PIP4K2A: variants seen among roughly 807,000 people sequenced by gnomAD.
PIP4K2A encodes phosphatidylinositol-5-phosphate 4-kinase type 2 alpha, also known as phosphatidylinositol 5-phosphate 4-kinase type-2 alpha.
In PIP4K2A, 14 loss-of-function variants were observed where a neutral mutation model predicts 42.9. The ratio of observed to expected loss-of-function variants is 0.33; its 90% CI spans 0.22 to 0.51. The LOEUF (loss-of-function observed/expected upper bound fraction) is 0.51, where lower values mean the gene tolerates loss of function less well. Ranked by LOEUF, PIP4K2A falls within the 20% of genes least tolerant of loss-of-function variation. PIP4K2A has a pLI of 0.97. For synonymous variants in PIP4K2A, 192 were observed against 192.2 expected, an observed-to-expected ratio of 1.00 and a Z score of 0.01; for missense variants, 434 against 519.8, an observed-to-expected ratio of 0.83 and a Z score of 1.61.
chr10:22,618,687 C>T (rs555432602), intron 1 of PIP4K2A, among the ~76,000 whole-genome samples: 1 of 152,278 alleles, frequency 6.6e-6, no homozygotes, highest in Admixed American at 6.5e-5. Context: ...TGGAGAGGTG[C>T]AGAGGGCTTG....
At chr10:22,674,101 A>G (rs981004213) in intron 1 of PIP4K2A, among the ~76,000 whole-genome samples, 5 of 152,130 alleles carry the variant, frequency 3.3e-5, no homozygotes, top group South Asian at 2.1e-4. Flanking sequence ...GCTTTCTCCT[A>G]TTTCTAATTT....
chr10:22,668,543 A>C (rs1394461638), intron 1 of PIP4K2A, among the ~76,000 whole-genome samples: 2 of 152,190 alleles, frequency 1.3e-5, no homozygotes, highest in Admixed American at 6.5e-5. Context: ...CTCAACATAC[A>C]ATTGGGCTGT....
intron 4 of PIP4K2A, among the ~76,000 whole-genome samples, chr10:22,583,677 C>A (rs928307316): frequency 2.0e-5 from 3 of 152,156 alleles, no homozygotes; most frequent in Admixed American, 6.5e-5. Flanking sequence ...AAAGAGCTTC[C>A]GTAAATTAGG....
At chr10:22,597,015 T>A (rs1478440015) in intron 3 of PIP4K2A, among the ~76,000 whole-genome samples, 2 of 152,248 alleles carry the variant, frequency 1.3e-5, no homozygotes, top group Non-Finnish European at 2.9e-5. Flanking sequence ...CAAACCTGTC[T>A]TCAGGTTTTC....
At chr10:22,559,961 CCTT>C (rs1363864794) in intron 6 of PIP4K2A, among the ~76,000 whole-genome samples, 3 of 152,158 alleles carry the variant, frequency 2.0e-5, no homozygotes, top group Admixed American at 6.5e-5. Context: ...TGTTTGGAGT[CCTT>C]CACCCAAATC....
rs1011763421 is a variant in PIP4K2A at position 22,714,565 on chromosome 10, C to T, written c.-239G>A. 1 of 147,352 alleles carries T rather than the reference C, an allele frequency of 6.8e-6. No individual in the cohort carries two copies. The highest frequency in any genetic ancestry group is 2.4e-5 in the African/African-American group (1 of 40,908). The allele number at this position is 147,352 out of a possible 1,614,324, so 9.1% of individuals were successfully genotyped here. A position where few individuals can be genotyped will look rare whatever the true frequency, so the allele number is the denominator to read the frequency against. ...ATCCTGCGCCCGCCGCGGATCCGCG[C>T]TCAGCCCGCGGCTGGACCCGGCGCG... On this transcript the variant is annotated 5_prime_UTR_variant, in exon 1 of 10. Coordinates refer to ENST00000376573, the MANE Select transcript of PIP4K2A (RefSeq NM_005028.5).
intron 7 of PIP4K2A, among the ~76,000 whole-genome samples, chr10:22,542,312 T>TGGCTGGATTTTACCGGATAGCAA (rs6143823): frequency 3.3e-5 from 5 of 151,634 alleles, no homozygotes; most frequent in African/African-American, 1.2e-4. Flanking sequence ...TATCACAGGG[T>TGGCTGGATTTTACCGGATAGCAA]GGCTGGATTT....
intron 1 of PIP4K2A, among the ~76,000 whole-genome samples, chr10:22,672,564 G>T (rs1039281170): frequency 1.3e-5 from 2 of 152,152 alleles, no homozygotes; most frequent in Non-Finnish European, 2.9e-5. Flanking sequence ...CAGATCTGTG[G>T]GGCATCTGCA....
rs144151347 is a variant in PIP4K2A, at chr10:22,684,983, T to C, written c.144+29200A>G. ...TGCTAGTAAGGGTTATTTTTACACC[T>C]GTGGAACCCGTGCAATAACAGAAAC... is the stretch of plus-strand genomic sequence containing the variant. On this transcript the variant is annotated intron_variant, in intron 1 of 9. Transcript: ENST00000376573. 3.0e-3 allele frequency among the ~76,000 whole-genome samples: 456 copies of C among 152,298 alleles called. 1 individual carries two copies. Among genetic ancestry groups the C allele is most frequent in the African/African-American group, 0.01 (426 of 41,556 alleles).
intron 6 of PIP4K2A, among the ~76,000 whole-genome samples, chr10:22,560,142 C>T (rs1772329067): frequency 6.6e-6 from 1 of 152,176 alleles, no homozygotes; most frequent in African/African-American, 2.4e-5. Context: ...AAATGATTCC[C>T]TTCTATCTCG....
intron 3 of PIP4K2A, among the ~76,000 whole-genome samples, chr10:22,607,327 G>A (rs1837926802): frequency 6.6e-6 from 1 of 152,146 alleles, no homozygotes; most frequent in South Asian, 2.1e-4. Context: ...GAGCAGCAGT[G>A]CACATTTTTA....
chr10:22,638,706 G>C (rs1838719323), intron 1 of PIP4K2A, among the ~76,000 whole-genome samples: 1 of 152,172 alleles, frequency 6.6e-6, no homozygotes, highest in African/African-American at 2.4e-5. Context: ...TTGTATGTTT[G>C]ATGGAAAGAA....
At chr10:22,627,997 A>G (rs1392160450) in intron 1 of PIP4K2A, among the ~76,000 whole-genome samples, 1 of 152,232 alleles carries the variant, frequency 6.6e-6, no homozygotes, top group Non-Finnish European at 1.5e-5. Flanking sequence ...GGAACCAACT[A>G]CAAGAAACAG....
chr10:22,659,215 T>C (rs1839157005), intron 1 of PIP4K2A, among the ~76,000 whole-genome samples: 2 of 152,238 alleles, frequency 1.3e-5, no homozygotes, highest in Non-Finnish European at 2.9e-5. Context: ...TTCTTTTTCT[T>C]TTCCTAGGCA....
At chr10:22,656,398 G>C (rs186965204) in intron 1 of PIP4K2A, among the ~76,000 whole-genome samples, 3 of 152,322 alleles carry the variant, frequency 2.0e-5, no homozygotes, top group Admixed American at 2.0e-4. Context: ...CCCAATTTGG[G>C]GTAAGGACAG....
In PIP4K2A at chr10:22,645,977, G is replaced by A. The variant is rs112876197; in HGVS notation, c.145-36260C>T. On this transcript the variant is annotated intron_variant, in intron 1 of 9. Transcript: ENST00000376573. ...GCTCAAGAGATCCACCGATCTTGGC[G>A]TCCCAAAGTGCTGGGATTATAGGTG... is the stretch of plus-strand genomic sequence containing the variant. Among the ~76,000 whole-genome samples the A allele has an allele frequency of 5.3e-4, 81 of 152,246 alleles. No homozygotes were observed. In the Middle Eastern group the frequency reaches 0.01, roughly 19 times the overall value.
chr10:22,691,390 C>G (rs1839863752), intron 1 of PIP4K2A, among the ~76,000 whole-genome samples: 1 of 152,138 alleles, frequency 6.6e-6, no homozygotes, highest in African/African-American at 2.4e-5. Context: ...ACTCTTGCCC[C>G]TTCTCCTCCT....
intron 1 of PIP4K2A, among the ~76,000 whole-genome samples, chr10:22,681,516 A>G (rs1017426673): frequency 2.6e-5 from 4 of 152,080 alleles, no homozygotes; most frequent in African/African-American, 4.8e-5. Flanking sequence ...TCTTCAAAAA[A>G]TTTTAAAAAT....
intron 4 of PIP4K2A, among the ~76,000 whole-genome samples, chr10:22,579,066 A>G (rs1347569489): frequency 7.9e-5 from 12 of 152,208 alleles, no homozygotes; most frequent in South Asian, 2.1e-4. Flanking sequence ...ACTTTACACA[A>G]TAAGTAGGAA....
Sources: allele counts gnomAD v4.1 joint callset (sites outside exome capture counted in the v4.1 genomes callset), GRCh38; gene constraint gnomAD v4.1.1; transcripts MANE v1.5; gene names NCBI Gene and HGNC (gene_info 2026-07-23, HGNC 2026-07-21).